The following NPEPPS variants were observed in gnomAD, a reference collection of about 807,000 sequenced individuals.
The protein encoded by NPEPPS is aminopeptidase puromycin sensitive, also known as puromycin-sensitive aminopeptidase.
A neutral mutation model predicts 115.5 loss-of-function variants in NPEPPS; 14 were observed. That is an observed-to-expected ratio of 0.12 (90% CI 0.08 to 0.19). NPEPPS has a LOEUF of 0.19. Among genes scored for constraint, NPEPPS ranks in the 10% least tolerant of loss-of-function variants. The probability of loss-of-function intolerance (pLI) is 1.00; values close to 1 mark genes in which losing one functional copy is unlikely to be tolerated. For missense variants in NPEPPS, 523 were observed against 1,110.8 expected, an observed-to-expected ratio of 0.47 and a Z score of 7.52; for synonymous variants, 285 against 390.6, an observed-to-expected ratio of 0.73 and a Z score of 3.19.
chr17:47,534,326 G>T (rs1373312350), intron 1 of NPEPPS, among the ~76,000 whole-genome samples: 1 of 152,048 alleles, frequency 6.6e-6, no homozygotes, highest in Non-Finnish European at 1.5e-5. Context: ...TGATCTGCCC[G>T]CCTTGGCCTC....
intron 5 of NPEPPS, among the ~76,000 whole-genome samples, chr17:47,584,239 A>AC (rs922556806): frequency 2.0e-5 from 3 of 151,506 alleles, no homozygotes; most frequent in African/African-American, 7.3e-5. Context: ...AAAAAAAAAA[A>AC]GGTTGCAACA....
At chr17:47,553,346 C>CT (rs1030824380) in intron 2 of NPEPPS, among the ~76,000 whole-genome samples, 11 of 150,946 alleles carry the variant, frequency 7.3e-5, no homozygotes, top group East Asian at 3.9e-4. Context: ...GCACTCCAGC[C>CT]TGGGGGACAA....
rs1907740695 is a variant in NPEPPS, at chr17:47,531,298, T to C, written c.-3T>C. 7.2e-7 allele frequency: 1 copy of C among 1,398,130 alleles called. No homozygotes were observed. Among genetic ancestry groups the C allele is most frequent in the Non-Finnish European group, 9.5e-7 (1 of 1,050,176 alleles). 86.6% of individuals were successfully genotyped at this position (1,398,130 alleles called of 1,614,324 possible). A position where few individuals can be genotyped will look rare whatever the true frequency, so the allele number is the denominator to read the frequency against. ...TCCTCCGGCGGTCGCCCGCGCTCGG[T>C]GGATGTGGCTGGCAGCTGCCGCCCC... On this transcript the variant is annotated 5_prime_UTR_variant, in exon 1 of 23. Transcript: ENST00000322157.
chr17:47,611,774 T>TA (rs1194489215), intron 17 of NPEPPS, among the ~76,000 whole-genome samples: 2 of 152,200 alleles, frequency 1.3e-5, no homozygotes, highest in African/African-American at 4.8e-5. Context: ...TGCCTGGCCA[T>TA]AACTGTATGT....
At position 47,579,485 on chromosome 17, in the gene NPEPPS, C is replaced by T; in HGVS notation, c.514C>T (p.Arg172Cys). The change falls in exon 4 of 23, where the codon CGC becomes TGC. Residue 172 changes from arginine (R) to cysteine (C), a missense_variant. Transcript: ENST00000322157. ...ATATACTACCCCTTCTGGAGAGGTG[C>T]GCTATGCTGCTGTAACACAGTTTGA... Reference protein sequence around the residue: ...SKYTTPSGEVRYAAVTQFEAT... With the variant: ...SKYTTPSGEVCYAAVTQFEAT... 6.2e-6 allele frequency: 10 copies of T among 1,609,502 alleles called. No individual in the cohort carries two copies. Among genetic ancestry groups the T allele is most frequent in the East Asian group, 2.2e-5 (1 of 44,752 alleles).
At position 47,608,453 on chromosome 17, in the gene NPEPPS, CA is replaced by C. The variant is rs36062497; in HGVS notation, c.2095+2922del. Among the ~76,000 whole-genome samples the C allele has an allele frequency of 3.0e-3, 239 of 79,154 alleles. 1 individual carries two copies. The highest frequency in any genetic ancestry group is 8.6e-3 in the African/African-American group (164 of 19,088). The allele number at this position is 79,154 out of a possible 152,430, so 51.9% of individuals were successfully genotyped here. ...TGGGCAACAGAGCGGGACTCCGTCT[CA>C]AAAAAAAAAAAAAAAAAAAAGTGAG... On this transcript the variant is annotated intron_variant, in intron 17 of 22. Coordinates refer to ENST00000322157, the MANE Select transcript of NPEPPS (RefSeq NM_006310.4).
At chr17:47,567,255 T>C (rs548803235) in intron 2 of NPEPPS, among the ~76,000 whole-genome samples, 8 of 152,334 alleles carry the variant, frequency 5.3e-5, no homozygotes, top group Non-Finnish European at 1.0e-4. Context: ...GATTAGAGGA[T>C]TTATTAAAGT....
At chr17:47,615,069 C>CTTT (rs1197137063) in intron 19 of NPEPPS, among the ~76,000 whole-genome samples, 6 of 119,672 alleles carry the variant, frequency 5.0e-5, no homozygotes, top group African/African-American at 1.9e-4. Flanking sequence ...GGTTTACTTT[C>CTTT]TTTCTTTTTT....
chr17:47,540,220 G>A (rs934370775), intron 1 of NPEPPS, among the ~76,000 whole-genome samples: 1 of 151,628 alleles, frequency 6.6e-6, no homozygotes, highest in African/African-American at 2.4e-5. Flanking sequence ...ACTTAATCCT[G>A]GGTTTGAAAC....
chr17:47,546,092 G>GAGAT, intron 2 of NPEPPS, 99 bp downstream of exon 2: 1 of 1,507,552 alleles, frequency 6.6e-7, no homozygotes, highest in Non-Finnish European at 8.9e-7. Flanking sequence ...GAGAGAGAGA[G>GAGAT]ACATTTTCAG....
At chr17:47,541,041 G>A (rs1371270493) in intron 1 of NPEPPS, among the ~76,000 whole-genome samples, 5 of 152,160 alleles carry the variant, frequency 3.3e-5, no homozygotes, top group African/African-American at 1.2e-4. Context: ...AAACACAGGA[G>A]GAGTTGGAAG....
At chr17:47,561,394 C>T (rs8070759) in intron 2 of NPEPPS, among the ~76,000 whole-genome samples, 66,530 of 146,734 alleles carry the variant, frequency 0.45, 15,987 homozygotes, top group South Asian at 0.56. Flanking sequence ...TATGATATTA[C>T]GATATATATG....
At chr17:47,549,637 G>A (rs1183444772) in intron 2 of NPEPPS, among the ~76,000 whole-genome samples, 2 of 151,526 alleles carry the variant, frequency 1.3e-5, no homozygotes, top group East Asian at 4.0e-4. Flanking sequence ...AAAATTAGCT[G>A]GGCGTGGTGG....
At chr17:47,540,927 C>T (rs1162455163) in intron 1 of NPEPPS, among the ~76,000 whole-genome samples, 4 of 151,998 alleles carry the variant, frequency 2.6e-5, no homozygotes, top group Non-Finnish European at 5.9e-5. Context: ...TCCTTTGGTT[C>T]CTCCCTCCCA....
chr17:47,610,686 G>A (rs1203131035), intron 17 of NPEPPS, among the ~76,000 whole-genome samples: 2 of 151,250 alleles, frequency 1.3e-5, no homozygotes, highest in Middle Eastern at 3.2e-3. Context: ...CCAGACCCCC[G>A]GCTCTCTTTT....
chr17:47,565,602 T>C (rs1910759885), intron 2 of NPEPPS, among the ~76,000 whole-genome samples: 1 of 151,274 alleles, frequency 6.6e-6, no homozygotes. Flanking sequence ...GGAGGATCGC[T>C]TGAGCTCGGG....
intron 2 of NPEPPS, among the ~76,000 whole-genome samples, chr17:47,564,399 A>G (rs1462523745): frequency 6.6e-6 from 1 of 151,864 alleles, no homozygotes; most frequent in African/African-American, 2.4e-5. Flanking sequence ...AGGTAATGAT[A>G]TGATTTTAAT....
At chr17:47,576,018 C>G (rs1306455217) in intron 3 of NPEPPS, among the ~76,000 whole-genome samples, 1 of 152,162 alleles carries the variant, frequency 6.6e-6, no homozygotes, top group East Asian at 1.9e-4. Context: ...CACAAGTGAT[C>G]TATCTGATAA....
chr17:47,574,788 C>T (rs1245470583), intron 3 of NPEPPS, among the ~76,000 whole-genome samples: 2 of 152,030 alleles, frequency 1.3e-5, no homozygotes, highest in South Asian at 2.1e-4. Context: ...GACAGGGTCT[C>T]GTTATGTTGC....
Sources: gnomAD v4.1 joint callset for allele counts (sites outside exome capture counted in the v4.1 genomes callset) on GRCh38, gnomAD v4.1.1 for gene constraint, MANE v1.5 for transcripts, NCBI Gene and HGNC (gene_info 2026-07-23, HGNC 2026-07-21) for gene names.